CTDSPL: variants seen among roughly 807,000 people sequenced by gnomAD.
The protein encoded by CTDSPL is CTD small phosphatase like.
In CTDSPL, 8 loss-of-function variants were observed where a neutral mutation model predicts 30.5. The observed-to-expected ratio is 0.26, with a 90% CI of 0.15 to 0.47. The LOEUF (loss-of-function observed/expected upper bound fraction) is 0.47, where lower values mean the gene tolerates loss of function less well. Among genes scored for constraint, CTDSPL ranks in the 20% least tolerant of loss-of-function variants. The pLI is 0.99. For missense variants in CTDSPL, 248 were observed against 366.1 expected, an observed-to-expected ratio of 0.68 and a Z score of 2.63; for synonymous variants, 110 against 137.9, an observed-to-expected ratio of 0.80 and a Z score of 1.42.
At chr3:37,979,888 C>T (rs1241468102) in intron 7 of CTDSPL, among the ~76,000 whole-genome samples, 4 of 152,188 alleles carry the variant, frequency 2.6e-5, no homozygotes, top group Non-Finnish European at 5.9e-5. Flanking sequence ...AACACATTTA[C>T]ATGGTTCCGA....
At position 37,862,381 on chromosome 3, in the gene CTDSPL, A is replaced by G; in HGVS notation, c.79+103A>G. 2.1e-6 allele frequency: 2 copies of G among 947,830 alleles called. No individual in the cohort carries two copies. The highest frequency in any genetic ancestry group is 2.8e-6 in the Non-Finnish European group (2 of 718,652). 58.7% of individuals were successfully genotyped at this position (947,830 alleles called of 1,614,324 possible). On this transcript the variant is annotated intron_variant, in intron 1 of 7. Coordinates refer to ENST00000273179, the MANE Select transcript of CTDSPL (RefSeq NM_001008392.2). The surrounding 1 kb of genome is among the most constrained non-coding windows in gnomAD (Gnocchi z 4.3). ...GCATGGGCCTGGGGGAGGGGTGCAC[A>G]GGGCCCGGAGGGTGCGTGGGTGTGG...
At chr3:37,979,288 T>TCCTGTC (rs995571516) in intron 7 of CTDSPL, among the ~76,000 whole-genome samples, 3 of 148,620 alleles carry the variant, frequency 2.0e-5, no homozygotes, top group African/African-American at 7.5e-5. Context: ...CAAAGCAAGA[T>TCCTGTC]CCTGTCGCTA....
chr3:37,917,556 G>A (rs1186212805), intron 1 of CTDSPL, among the ~76,000 whole-genome samples: 3 of 152,132 alleles, frequency 2.0e-5, no homozygotes, highest in Non-Finnish European at 4.4e-5. Flanking sequence ...AATCTAGTTG[G>A]AAATGTAGCC....
rs60500371 is a variant in CTDSPL, at chr3:37,984,259, CA to C, written c.*3393del. The C allele has an allele frequency of 0.18, 81,199 of 456,796 alleles. 7,967 individuals are homozygous for C. The highest frequency in any genetic ancestry group is 0.26 in the South Asian group (16,543 of 64,536). The allele number at this position is 456,796 out of a possible 1,614,324, so 28.3% of individuals were successfully genotyped here. A position where few individuals can be genotyped will look rare whatever the true frequency, so the allele number is the denominator to read the frequency against. ...TTCCATTCTCCCAGGAGCTTCTCTG[CA>C]GACTGACACACCCTCCCCCACCCCG... On this transcript the variant is annotated 3_prime_UTR_variant, in exon 8 of 8. Coordinates refer to ENST00000273179, the MANE Select transcript of CTDSPL (RefSeq NM_001008392.2).
chr3:37,970,740 C>T (rs531834417), intron 5 of CTDSPL, among the ~76,000 whole-genome samples: 29 of 152,282 alleles, frequency 1.9e-4, no homozygotes, highest in South Asian at 1.0e-3. Flanking sequence ...CTCTTTGCAC[C>T]CCTCTGCTCA....
chr3:37,960,535 T>TATATATACACACACAC (rs1327299412), intron 3 of CTDSPL, among the ~76,000 whole-genome samples: 2 of 16,288 alleles, frequency 1.2e-4, no homozygotes, highest in Non-Finnish European at 1.0e-4. Context: ...TATATATATA[T>TATATATACACACACAC]ACACACACAC....
intron 1 of CTDSPL, among the ~76,000 whole-genome samples, chr3:37,935,850 G>A (rs1698909360): frequency 6.6e-6 from 1 of 152,190 alleles, no homozygotes; most frequent in African/African-American, 2.4e-5. Flanking sequence ...GGAGGGGCAA[G>A]TGGGAAAGCT....
chr3:37,944,647 C>G (rs765023168), intron 1 of CTDSPL: 18 of 150,256 alleles, frequency 1.2e-4, no homozygotes, highest in Non-Finnish European at 2.5e-4. Context: ...TAGACCAATC[C>G]AAGAGTGATT....
chr3:37,888,913 T>G (rs1698293036), intron 1 of CTDSPL, among the ~76,000 whole-genome samples: 1 of 152,242 alleles, frequency 6.6e-6, no homozygotes, highest in Non-Finnish European at 1.5e-5. Context: ...CTTGTTAGCC[T>G]ACCATTTTCC....
chr3:37,873,873 T>C (rs888711372), intron 1 of CTDSPL, among the ~76,000 whole-genome samples: 8 of 152,248 alleles, frequency 5.3e-5, no homozygotes, highest in Admixed American at 5.2e-4. Flanking sequence ...CTTAATGAGA[T>C]GCATTCATAA....
chr3:37,940,151 C>T (rs1698962158), intron 1 of CTDSPL, among the ~76,000 whole-genome samples: 1 of 150,398 alleles, frequency 6.6e-6, no homozygotes, highest in Non-Finnish European at 1.5e-5. Context: ...GGGCTATGTG[C>T]TCTTCTTTGG....
intron 1 of CTDSPL, among the ~76,000 whole-genome samples, chr3:37,907,228 G>A (rs1449063203): frequency 6.6e-6 from 1 of 152,178 alleles, no homozygotes; most frequent in Non-Finnish European, 1.5e-5. Flanking sequence ...CTGGAATTTA[G>A]ATTCTGACCT....
At chr3:37,887,029 A>G (rs984579972) in intron 1 of CTDSPL, among the ~76,000 whole-genome samples, 3 of 152,098 alleles carry the variant, frequency 2.0e-5, no homozygotes, top group Non-Finnish European at 4.4e-5. Context: ...GCTTTTCTGA[A>G]GCTTTCTCAT....
At chr3:37,960,949 A>G (rs1247572034) in intron 3 of CTDSPL, among the ~76,000 whole-genome samples, 1 of 152,000 alleles carries the variant, frequency 6.6e-6, no homozygotes, top group Non-Finnish European at 1.5e-5. Flanking sequence ...TTTTTTGTTT[A>G]TAATTATTTT....
intron 1 of CTDSPL, among the ~76,000 whole-genome samples, chr3:37,898,936 A>G (rs1181275620): frequency 1.3e-5 from 2 of 152,226 alleles, no homozygotes; most frequent in Non-Finnish European, 2.9e-5. Context: ...GCAGGTGCCA[A>G]AGCCCTGCAA....
chr3:37,923,465 T>C (rs887034559), intron 1 of CTDSPL, among the ~76,000 whole-genome samples: 2 of 152,228 alleles, frequency 1.3e-5, no homozygotes, highest in Middle Eastern at 3.2e-3. Context: ...TACTTCTTAT[T>C]CCATGTTCAG....
intron 1 of CTDSPL, among the ~76,000 whole-genome samples, chr3:37,870,261 T>C (rs1445607287): frequency 2.0e-5 from 3 of 152,126 alleles, no homozygotes; most frequent in Non-Finnish European, 4.4e-5. Flanking sequence ...TTAAATTATC[T>C]CTTTCAGATT....
chr3:37,895,225 T>C (rs1191012907), intron 1 of CTDSPL, among the ~76,000 whole-genome samples: 1 of 152,206 alleles, frequency 6.6e-6, no homozygotes, highest in Non-Finnish European at 1.5e-5. Context: ...TTTTGTTTTT[T>C]GCCATTGCCA....
At chr3:37,886,721 T>C (rs1698267427) in intron 1 of CTDSPL, among the ~76,000 whole-genome samples, 1 of 152,294 alleles carries the variant, frequency 6.6e-6, no homozygotes, top group East Asian at 1.9e-4. Flanking sequence ...TCATAATACA[T>C]CTCTTCATAG....
Sources: allele counts gnomAD v4.1 joint callset (sites outside exome capture counted in the v4.1 genomes callset), GRCh38; gene constraint gnomAD v4.1.1; non-coding constraint Gnocchi (gnomAD v3.1); transcripts MANE v1.5; gene names NCBI Gene and HGNC (gene_info 2026-07-23, HGNC 2026-07-21).